The following RARB variants were observed in gnomAD, a reference collection of about 807,000 sequenced individuals.
The protein encoded by RARB is HBV-activated protein.
A neutral mutation model predicts 51.9 loss-of-function variants in RARB; 17 were observed. That is an observed-to-expected ratio of 0.33 (90% CI 0.22 to 0.49). The LOEUF is 0.49. Ranked by LOEUF, RARB falls within the 20% of genes least tolerant of loss-of-function variation. The probability of loss-of-function intolerance (pLI) is 0.99; values close to 1 mark genes in which losing one functional copy is unlikely to be tolerated. For missense variants in RARB, 369 were observed against 550.8 expected, an observed-to-expected ratio of 0.67 and a Z score of 3.30; for synonymous variants, 215 against 195.4, an observed-to-expected ratio of 1.10 and a Z score of -0.84.
At chr3:24,884,773 G>A (rs1703237744) in intron 2 of RARB, among the ~76,000 whole-genome samples, 1 of 152,122 alleles carries the variant, frequency 6.6e-6, no homozygotes, top group South Asian at 2.1e-4. Context: ...AACTCTTTGT[G>A]TAGGAGCTCT....
At chr3:25,085,361 T>C (rs751702641) in intron 3 of RARB, among the ~76,000 whole-genome samples, 7 of 152,196 alleles carry the variant, frequency 4.6e-5, no homozygotes, top group Non-Finnish European at 8.8e-5. Context: ...GATATACTTT[T>C]ATTTGCCATT....
At chr3:25,459,612 G>T (rs972351897) in intron 1 of RARB, among the ~76,000 whole-genome samples, 7 of 152,186 alleles carry the variant, frequency 4.6e-5, no homozygotes, top group Non-Finnish European at 7.4e-5. Flanking sequence ...TGCAGCAGTT[G>T]TGAGAGGCGA....
intron 5 of RARB, among the ~76,000 whole-genome samples, chr3:25,585,974 TGAA>T (rs1298994474): frequency 1.3e-5 from 2 of 151,774 alleles, no homozygotes; most frequent in Non-Finnish European, 2.9e-5. Context: ...GCAGGATGGG[TGAA>T]GGAGGTAAAT....
chr3:25,005,172 T>A (rs911027078), intron 2 of RARB, among the ~76,000 whole-genome samples: 2 of 152,206 alleles, frequency 1.3e-5, no homozygotes, highest in African/African-American at 4.8e-5. Context: ...AGATTGCCAC[T>A]TCTCTTGAAT....
intron 3 of RARB, among the ~76,000 whole-genome samples, chr3:25,116,206 G>T (rs1187833631): frequency 6.6e-6 from 1 of 152,186 alleles, no homozygotes; most frequent in Non-Finnish European, 1.5e-5. Flanking sequence ...CCAAGTCTGT[G>T]AAATTGTATA....
At chr3:25,361,026 C>G (rs1195522530) in intron 5 of RARB, among the ~76,000 whole-genome samples, 1 of 152,130 alleles carries the variant, frequency 6.6e-6, no homozygotes, top group East Asian at 1.9e-4. Flanking sequence ...TGTTGGCCTA[C>G]CTTGCTGGGT....
chr3:25,093,992 C>T (rs1575157499), intron 3 of RARB, among the ~76,000 whole-genome samples: 1 of 152,150 alleles, frequency 6.6e-6, no homozygotes, highest in East Asian at 1.9e-4. Context: ...TGTGTGTACT[C>T]CCAAGTTCAG....
chr3:25,357,297 G>A (rs1026018851), intron 5 of RARB, among the ~76,000 whole-genome samples: 1 of 152,128 alleles, frequency 6.6e-6, no homozygotes, highest in African/African-American at 2.4e-5. Flanking sequence ...ATGTTTGTTG[G>A]CTGCATAAAT....
intron 3 of RARB, among the ~76,000 whole-genome samples, chr3:25,087,554 A>G (rs1441666479): frequency 6.6e-6 from 1 of 152,166 alleles, no homozygotes; most frequent in African/African-American, 2.4e-5. Flanking sequence ...GCAAGATAAT[A>G]GTAAATACCT....
chr3:25,268,939 T>C (rs116651498), intron 5 of RARB, among the ~76,000 whole-genome samples: 2,505 of 152,312 alleles, frequency 0.016, 49 homozygotes, highest in Middle Eastern at 0.031. Flanking sequence ...TTTATCCATT[T>C]GTATTTCCAG....
intron 4 of RARB, among the ~76,000 whole-genome samples, chr3:25,165,187 C>T (rs59296535): frequency 0.018 from 2,779 of 152,106 alleles, 69 homozygotes; most frequent in African/African-American, 0.063. Context: ...GACACTAAAG[C>T]CAAACTCAGA....
intron 2 of RARB, among the ~76,000 whole-genome samples, chr3:24,933,202 ACT>A (rs1197556379): frequency 2.0e-5 from 3 of 152,056 alleles, no homozygotes; most frequent in East Asian, 1.9e-4. Context: ...CTTTCAAATA[ACT>A]CTGCATCATT....
chr3:25,086,768 G>A (rs1379427370), intron 3 of RARB, among the ~76,000 whole-genome samples: 2 of 152,120 alleles, frequency 1.3e-5, no homozygotes, highest in Non-Finnish European at 2.9e-5. Flanking sequence ...TTGGTTGAAA[G>A]AGTTTATCTA....
chr3:25,416,706 A>G (rs976463258), intron 5 of RARB, among the ~76,000 whole-genome samples: 2 of 152,218 alleles, frequency 1.3e-5, no homozygotes, highest in Non-Finnish European at 2.9e-5. Flanking sequence ...ACTTTATTTT[A>G]CAACAAGTGG....
intron 3 of RARB, among the ~76,000 whole-genome samples, chr3:25,502,866 A>C (rs975772103): frequency 6.6e-6 from 1 of 152,226 alleles, no homozygotes; most frequent in Non-Finnish European, 1.5e-5. Flanking sequence ...CAAGCCCTTA[A>C]TAGCACCATT....
intron 2 of RARB, among the ~76,000 whole-genome samples, chr3:25,007,694 T>C (rs1329066231): frequency 6.6e-6 from 1 of 151,886 alleles, no homozygotes; most frequent in African/African-American, 2.4e-5. Context: ...AGTACTGCCT[T>C]ATAAGACTCA....
intron 2 of RARB, among the ~76,000 whole-genome samples, chr3:25,012,791 A>G (rs560372053): frequency 8.1e-4 from 123 of 152,228 alleles, no homozygotes; most frequent in Non-Finnish European, 1.3e-3. Context: ...AAATGAAATA[A>G]TTTGATTATT....
intron 3 of RARB, among the ~76,000 whole-genome samples, chr3:25,529,656 G>A (rs1229828151): frequency 4.6e-5 from 7 of 152,070 alleles, no homozygotes; most frequent in Non-Finnish European, 1.0e-4. Context: ...GGAACTTCGG[G>A]GGTGTTGGAA....
At chr3:25,244,112 T>C (rs1029013677) in intron 5 of RARB, among the ~76,000 whole-genome samples, 1 of 152,178 alleles carries the variant, frequency 6.6e-6, no homozygotes, top group Admixed American at 6.5e-5. Context: ...GTGTTTCTAG[T>C]ATTCTCTGAT....
Sources: allele counts gnomAD v4.1 joint callset (sites outside exome capture counted in the v4.1 genomes callset), GRCh38; gene constraint gnomAD v4.1.1; transcripts MANE v1.5; gene names NCBI Gene and HGNC (gene_info 2026-07-23, HGNC 2026-07-21).